DSCAM: variants seen among roughly 807,000 people sequenced by gnomAD.
DSCAM encodes DS cell adhesion molecule.
In DSCAM, 47 loss-of-function variants were observed where a neutral mutation model predicts 217.7. The ratio of observed to expected loss-of-function variants is 0.22; its 90% CI spans 0.17 to 0.28. DSCAM has a LOEUF of 0.28. Ranked by LOEUF, DSCAM falls within the 10% of genes least tolerant of loss-of-function variation. The probability of loss-of-function intolerance (pLI) is 1.00; values close to 1 mark genes in which losing one functional copy is unlikely to be tolerated. For missense variants in DSCAM, 2,080 were observed against 2,618.3 expected, an observed-to-expected ratio of 0.79 and a Z score of 4.49; for synonymous variants, 1,056 against 1,015.3, an observed-to-expected ratio of 1.04 and a Z score of -0.76.
At chr21:40,551,616 C>G (rs948526288) in intron 3 of DSCAM, among the ~76,000 whole-genome samples, 6 of 152,088 alleles carry the variant, frequency 3.9e-5, no homozygotes, top group Admixed American at 3.9e-4. Context: ...AAATTTCCCC[C>G]ACAAAAGACA....
chr21:40,240,302 A>G (rs2073132157), intron 11 of DSCAM, among the ~76,000 whole-genome samples: 1 of 134,786 alleles, frequency 7.4e-6, no homozygotes, highest in African/African-American at 2.9e-5. Context: ...TTTGTTCAGT[A>G]GGCCTTCATC....
At chr21:40,414,664 G>T (rs1365151537) in intron 3 of DSCAM, among the ~76,000 whole-genome samples, 1 of 152,184 alleles carries the variant, frequency 6.6e-6, no homozygotes, top group Non-Finnish European at 1.5e-5. Context: ...GCAACCTGCA[G>T]TGTGAAATAC....
rs2075478272 is a variant in DSCAM, at chr21:40,426,705, AAAGAGGCCCAGC to A, written c.509-57472_509-57461del. Among the ~76,000 whole-genome samples, 2 of 152,174 alleles carry A rather than the reference AAAGAGGCCCAGC, an allele frequency of 1.3e-5. 1 individual carries two copies. The highest frequency in any genetic ancestry group is 4.1e-4 in the South Asian group (2 of 4,830). On this transcript the variant is annotated intron_variant, in intron 3 of 32. Coordinates refer to ENST00000400454, the MANE Select transcript of DSCAM (RefSeq NM_001389.5). ...ATAACTCAAAGGGCTGGAGCCTAGG[AAAGAGGCCCAGC>A]AAGCTTTGTTGTGTGCTTCCTAGGA...
intron 21 of DSCAM, among the ~76,000 whole-genome samples, chr21:40,089,577 T>C (rs967676842): frequency 3.3e-5 from 5 of 152,162 alleles, no homozygotes; most frequent in African/African-American, 4.8e-5. Flanking sequence ...TTCAACTGTA[T>C]CTGAATTTTG....
intron 3 of DSCAM, among the ~76,000 whole-genome samples, chr21:40,594,261 T>C (rs1299817425): frequency 6.6e-6 from 1 of 151,944 alleles, no homozygotes; most frequent in East Asian, 1.9e-4. Flanking sequence ...TGCAATAGAG[T>C]CTGGACATGT....
chr21:40,072,620 T>C (rs1489152498), intron 27 of DSCAM, among the ~76,000 whole-genome samples: 1 of 152,090 alleles, frequency 6.6e-6, no homozygotes, highest in Non-Finnish European at 1.5e-5. Flanking sequence ...AGTGCTAGGA[T>C]TACAGGTGTG....
At chr21:40,337,234 G>A (rs1380042745) in intron 8 of DSCAM, among the ~76,000 whole-genome samples, 2 of 152,132 alleles carry the variant, frequency 1.3e-5, no homozygotes, top group Non-Finnish European at 2.9e-5. Flanking sequence ...CCACTTATTG[G>A]TTCCTGGAGA....
intron 3 of DSCAM, among the ~76,000 whole-genome samples, chr21:40,441,719 A>T (rs2075631967): frequency 6.6e-6 from 1 of 152,182 alleles, no homozygotes; most frequent in Non-Finnish European, 1.5e-5. Context: ...CAAGCCCTGG[A>T]TGAACCCCAG....
chr21:40,177,076 C>T (rs937414785), intron 15 of DSCAM, among the ~76,000 whole-genome samples: 2 of 152,220 alleles, frequency 1.3e-5, no homozygotes, highest in Non-Finnish European at 2.9e-5. Flanking sequence ...GAAGATTGAG[C>T]AGGAAGTCAG....
At chr21:40,286,699 G>C (rs1442560198) in intron 10 of DSCAM, among the ~76,000 whole-genome samples, 2 of 149,350 alleles carry the variant, frequency 1.3e-5, no homozygotes, top group East Asian at 4.0e-4. Flanking sequence ...TCCTCAGTGT[G>C]ATCTGCAGTG....
At chr21:40,414,504 T>A (rs2075352601) in intron 3 of DSCAM, among the ~76,000 whole-genome samples, 1 of 152,248 alleles carries the variant, frequency 6.6e-6, no homozygotes, top group African/African-American at 2.4e-5. Flanking sequence ...ACTTTTCAAC[T>A]ATTACTTGTG....
chr21:40,035,131 A>G lies in DSCAM; in HGVS notation c.5686+7240T>C, dbSNP rs994670003. Among the ~76,000 whole-genome samples the G allele has an allele frequency of 4.3e-5, 3 of 69,912 alleles. No homozygotes were observed. In the East Asian group the frequency reaches 9.5e-4, roughly 22 times the overall value. 45.9% of individuals were successfully genotyped at this position (69,912 alleles called of 152,430 possible). A position where few individuals can be genotyped will look rare whatever the true frequency, so the allele number is the denominator to read the frequency against. On this transcript the variant is annotated intron_variant, in intron 32 of 32. Transcript: ENST00000400454. ...CTAACGAGCAAAATAACCAGCTAAC[A>G]TCATAATGACAGGATCAAATACACA... is the stretch of plus-strand genomic sequence containing the variant.
intron 20 of DSCAM, among the ~76,000 whole-genome samples, chr21:40,118,504 T>C (rs888870268): frequency 6.6e-6 from 1 of 152,070 alleles, no homozygotes; most frequent in African/African-American, 2.4e-5. Flanking sequence ...GGAGAATCGT[T>C]TGAACCTGGG....
chr21:40,171,179 G>A (rs1290795690), intron 15 of DSCAM, among the ~76,000 whole-genome samples: 1 of 152,156 alleles, frequency 6.6e-6, no homozygotes, highest in Admixed American at 6.5e-5. Context: ...CCAGGTTCAA[G>A]CTATTCTCCT....
At chr21:40,117,430 C>G (rs182329604) in intron 20 of DSCAM, among the ~76,000 whole-genome samples, 1 of 152,130 alleles carries the variant, frequency 6.6e-6, no homozygotes, top group South Asian at 2.1e-4. Context: ...GAGCTCAGCC[C>G]GCTGTGGGTT....
At chr21:40,183,407 G>C (rs1273880397) in intron 14 of DSCAM, among the ~76,000 whole-genome samples, 1 of 152,222 alleles carries the variant, frequency 6.6e-6, no homozygotes, top group East Asian at 1.9e-4. Context: ...GGAAGGGACA[G>C]CTTCACTGTG....
At chr21:40,707,545 T>C (rs1568995124) in intron 2 of DSCAM, among the ~76,000 whole-genome samples, 1 of 152,220 alleles carries the variant, frequency 6.6e-6, no homozygotes, top group Non-Finnish European at 1.5e-5. Context: ...TTTTCTCATG[T>C]TGTGATGTCT....
intron 11 of DSCAM, among the ~76,000 whole-genome samples, chr21:40,209,180 T>G (rs1249858778): frequency 6.6e-6 from 1 of 152,090 alleles, no homozygotes; most frequent in East Asian, 1.9e-4. Flanking sequence ...TGAAGTGAAG[T>G]GCACATGCTT....
chr21:40,699,959 C>T (rs1027036076), intron 2 of DSCAM, among the ~76,000 whole-genome samples: 13 of 152,074 alleles, frequency 8.5e-5, no homozygotes, highest in African/African-American at 2.9e-4. Context: ...AAAGAAAATG[C>T]CATCCAGGAT....
Sources: gnomAD v4.1 joint callset for allele counts (sites outside exome capture counted in the v4.1 genomes callset) on GRCh38, gnomAD v4.1.1 for gene constraint, MANE v1.5 for transcripts, NCBI Gene and HGNC (gene_info 2026-07-23, HGNC 2026-07-21) for gene names.